CDH18: variants seen among roughly 807,000 people sequenced by gnomAD.
The protein encoded by CDH18 is cadherin-18.
A neutral mutation model predicts 67.9 loss-of-function variants in CDH18; 31 were observed. The observed-to-expected ratio is 0.46, with a 90% CI of 0.34 to 0.62. The LOEUF is 0.62. Ranked by LOEUF, CDH18 falls within the 20% of genes least tolerant of loss-of-function variation. The probability of loss-of-function intolerance (pLI) is 0.01; values close to 1 mark genes in which losing one functional copy is unlikely to be tolerated. For synonymous variants in CDH18, 362 were observed against 347.2 expected, an observed-to-expected ratio of 1.04 and a Z score of -0.48; for missense variants, 890 against 975.5, an observed-to-expected ratio of 0.91 and a Z score of 1.17.
chr5:19,942,709 A>C (rs536252806), intron 2 of CDH18, among the ~76,000 whole-genome samples: 1 of 152,274 alleles, frequency 6.6e-6, no homozygotes, highest in Non-Finnish European at 1.5e-5. Flanking sequence ...GAGACAGATT[A>C]AAGAATGAGG....
intron 5 of CDH18, among the ~76,000 whole-genome samples, chr5:19,652,546 G>C (rs1380286818): frequency 1.3e-5 from 2 of 152,102 alleles, no homozygotes; most frequent in Non-Finnish European, 2.9e-5. Context: ...AAGAATTTAA[G>C]AATGTGGATA....
At chr5:19,657,152 C>T (rs1431796572) in intron 5 of CDH18, among the ~76,000 whole-genome samples, 1 of 152,050 alleles carries the variant, frequency 6.6e-6, no homozygotes, top group Admixed American at 6.6e-5. Flanking sequence ...AACTTGTACT[C>T]TCTTGTGTCA....
chr5:19,990,913 A>G (rs1799947396), upstream of CDH18, among the ~76,000 whole-genome samples: 1 of 152,224 alleles, frequency 6.6e-6, no homozygotes, highest in Non-Finnish European at 1.5e-5. Flanking sequence ...TGGACAGTGT[A>G]TCAATCACCA....
chr5:20,181,433 G>C (rs1737677934), intron 2 of CDH18, among the ~76,000 whole-genome samples: 1 of 152,084 alleles, frequency 6.6e-6, no homozygotes, highest in African/African-American at 2.4e-5. Flanking sequence ...TACTTAGAAT[G>C]AGAGATCTCA....
Position 20,174,614 on chromosome 5 carries a change from C to A in CDH18, c.-518+80830G>T, listed in dbSNP as rs142628683. 7.7e-3 allele frequency among the ~76,000 whole-genome samples: 1,174 copies of A among 152,232 alleles called. 6 individuals are homozygous for A. Among genetic ancestry groups the A allele is most frequent in the South Asian group, 0.024 (114 of 4,826 alleles). On this transcript the variant is annotated intron_variant, in intron 2 of 14. Coordinates refer to the CDH18 transcript ENST00000507958. ...TTAAAGCCTTGAGAAAAATAATAAG[C>A]TATGCAGCCAGTACAACTATATAGA...
At chr5:19,585,098 G>A (rs1451736086) in intron 7 of CDH18, among the ~76,000 whole-genome samples, 3 of 151,978 alleles carry the variant, frequency 2.0e-5, no homozygotes, top group East Asian at 3.9e-4. Context: ...GAATTGAAAC[G>A]ATTCTGATCT....
chr5:20,148,665 T>C (rs1241141094), intron 2 of CDH18, among the ~76,000 whole-genome samples: 2 of 152,086 alleles, frequency 1.3e-5, no homozygotes, highest in African/African-American at 4.8e-5. Context: ...TAATTATTTA[T>C]CTCCATTTTG....
At chr5:19,851,863 T>A (rs865850212) in intron 2 of CDH18, among the ~76,000 whole-genome samples, 1,619 of 151,984 alleles carry the variant, frequency 0.011, 37 homozygotes, top group African/African-American at 0.037. Context: ...GTGTTTAAAC[T>A]CCAGAGAAAG....
intron 1 of CDH18, among the ~76,000 whole-genome samples, chr5:20,291,338 G>C (rs781429562): frequency 6.6e-6 from 1 of 151,980 alleles, no homozygotes; most frequent in Non-Finnish European, 1.5e-5. Context: ...TAAGAGAGTC[G>C]GTCTGTGGAA....
intron 2 of CDH18, among the ~76,000 whole-genome samples, chr5:19,843,449 C>G (rs1782573255): frequency 6.6e-6 from 1 of 152,092 alleles, no homozygotes; most frequent in African/African-American, 2.4e-5. Flanking sequence ...TTGGGAAACT[C>G]CACCTAGATT....
At chr5:19,564,689 A>G (rs1392698183) in intron 8 of CDH18, among the ~76,000 whole-genome samples, 1 of 152,138 alleles carries the variant, frequency 6.6e-6, no homozygotes, top group African/African-American at 2.4e-5. Flanking sequence ...AGGGAAGTAT[A>G]AAGGGGAGTT....
chr5:19,764,148 C>T (rs1218932606), intron 3 of CDH18, among the ~76,000 whole-genome samples: 2 of 149,922 alleles, frequency 1.3e-5, no homozygotes, highest in Non-Finnish European at 3.0e-5. Flanking sequence ...TGCACTCCAG[C>T]CTGGGCAACA....
intron 2 of CDH18, among the ~76,000 whole-genome samples, chr5:19,842,143 G>T (rs914774998): frequency 6.6e-6 from 1 of 152,190 alleles, no homozygotes; most frequent in African/African-American, 2.4e-5. Flanking sequence ...TCCATTTTAT[G>T]ACTGAGCAGT....
chr5:20,389,479 A>T (rs1476631869), intron 1 of CDH18, among the ~76,000 whole-genome samples: 1 of 152,078 alleles, frequency 6.6e-6, no homozygotes, highest in African/African-American at 2.4e-5. Flanking sequence ...TGAATACAGC[A>T]CACTGATGGT....
At chr5:19,632,185 T>C (rs1752511897) in intron 5 of CDH18, among the ~76,000 whole-genome samples, 1 of 152,200 alleles carries the variant, frequency 6.6e-6, no homozygotes, top group African/African-American at 2.4e-5. Context: ...TTAATTTTGT[T>C]CAGAAATGGA....
chr5:20,432,677 CT>C (rs1748842902), intron 1 of CDH18, among the ~76,000 whole-genome samples: 1 of 151,856 alleles, frequency 6.6e-6, no homozygotes, highest in African/African-American at 2.4e-5. Flanking sequence ...TCTGTGTTGC[CT>C]GTATCTTTAT....
At chr5:19,506,982 A>G (rs895035386) in intron 10 of CDH18, among the ~76,000 whole-genome samples, 2 of 152,218 alleles carry the variant, frequency 1.3e-5, no homozygotes, top group Admixed American at 1.3e-4. Flanking sequence ...ACAGAATGGG[A>G]GAAAATTTTT....
chr5:20,108,323 C>T (rs1031876935), intron 2 of CDH18, among the ~76,000 whole-genome samples: 2 of 152,052 alleles, frequency 1.3e-5, no homozygotes, highest in African/African-American at 4.8e-5. Context: ...AACTTCTGAG[C>T]TCAGACAATC....
At chr5:20,350,036 C>G (rs2150055596) in intron 1 of CDH18, among the ~76,000 whole-genome samples, 1 of 152,162 alleles carries the variant, frequency 6.6e-6, no homozygotes, top group Middle Eastern at 3.4e-3. Flanking sequence ...TAAAGCCTGG[C>G]TCAAAAAATA....
Sources: gnomAD v4.1 joint callset for allele counts (sites outside exome capture counted in the v4.1 genomes callset) on GRCh38, gnomAD v4.1.1 for gene constraint, MANE v1.5 for transcripts, NCBI Gene and HGNC (gene_info 2026-07-23, HGNC 2026-07-21) for gene names.